Variants in NREP observed in about 807,000 individuals in gnomAD.
The protein encoded by NREP is neuronal regeneration-related protein.
Under a neutral mutation model 8.6 loss-of-function variants are expected in NREP, and 5 were observed. That is an observed-to-expected ratio of 0.58 (90% confidence interval 0.30 to 1.22). The LOEUF (loss-of-function observed/expected upper bound fraction) is 1.22. Among genes scored for constraint, NREP ranks in the 50% most tolerant of loss-of-function variants. The pLI, the probability that NREP is intolerant of heterozygous loss-of-function variation, is 0.07. For synonymous variants in NREP, 27 were observed against 28.0 expected (o/e 0.96, Z 0.11); for missense variants, 86 against 82.5 (o/e 1.04, Z -0.17).
At chr5:111,759,154 G>C (rs1014091440), upstream of NREP, among the ~76,000 whole-genome samples, 3 of 152,170 alleles carry the variant, frequency 2.0e-5, no homozygotes, top group African/African-American at 7.2e-5. Flanking sequence ...TGATCTGCAA[G>C]TCTGGAACCC....
At chr5:111,957,125 G>T (rs1756347000) in intron 2 of NREP, among the ~76,000 whole-genome samples, 1 of 151,652 alleles carries the variant, frequency 6.6e-6, no homozygotes, top group Non-Finnish European at 1.5e-5. Flanking sequence ...TTGCGAGGGA[G>T]GGAGGAGGCA....
intron 2 of NREP, among the ~76,000 whole-genome samples, chr5:111,825,070 G>A (rs1581144079): frequency 6.6e-6 from 1 of 152,120 alleles, no homozygotes; most frequent in Admixed American, 6.6e-5. Flanking sequence ...CAGCTAAAAA[G>A]TGTGCAGTTA....
upstream of NREP, among the ~76,000 whole-genome samples, chr5:111,758,482 A>G (rs1366682665): frequency 6.6e-6 from 1 of 152,244 alleles, no homozygotes. Flanking sequence ...AAATTTTGCA[A>G]CAAACTCAAA....
At chr5:111,845,721 C>T (rs1165445390) in intron 2 of NREP, among the ~76,000 whole-genome samples, 3 of 152,004 alleles carry the variant, frequency 2.0e-5, no homozygotes, top group Non-Finnish European at 4.4e-5. Flanking sequence ...ATATATACTA[C>T]ACACTCAAAT....
chr5:111,885,492 A>G (rs970682417), intron 2 of NREP, among the ~76,000 whole-genome samples: 13 of 152,184 alleles, frequency 8.5e-5, no homozygotes, highest in Non-Finnish European at 1.5e-4. Context: ...GTTCATATGG[A>G]ACCAAAAAAG....
chr5:111,866,140 A>C (rs1426308339), intron 2 of NREP, among the ~76,000 whole-genome samples: 1 of 152,150 alleles, frequency 6.6e-6, no homozygotes, highest in East Asian at 1.9e-4. Flanking sequence ...CAAAAGCCAA[A>C]ATGGACAAAT....
rs998392844 is a variant in NREP, at chr5:111,903,214, A to G, written c.135+72060T>C. ...TTCTTGTGCCTCAGCCTCCCAAAGT[A>G]GTTGGGACTATAGTTGTATGCTACC... On this transcript the variant is annotated intron_variant, in intron 2 of 3. Transcript: ENST00000395634. Among the ~76,000 whole-genome samples, 3 of 150,880 alleles carry G rather than the reference A, an allele frequency of 2.0e-5. No individual in the cohort carries two copies. The South Asian group carries it at 6.3e-4, about 32-fold the overall frequency.
At chr5:111,961,560 AG>A (rs1198438390) in intron 2 of NREP, among the ~76,000 whole-genome samples, 2 of 152,172 alleles carry the variant, frequency 1.3e-5, no homozygotes, top group African/African-American at 2.4e-5. Flanking sequence ...TCAACTTCAA[AG>A]GGTTTTTATA....
chr5:111,782,895 C>T (rs1484113837), intron 2 of NREP, among the ~76,000 whole-genome samples: 2 of 151,928 alleles, frequency 1.3e-5, no homozygotes, highest in African/African-American at 2.4e-5. Flanking sequence ...GCACCAAACC[C>T]GGCTAATTTT....
intron 2 of NREP, among the ~76,000 whole-genome samples, chr5:111,815,495 T>C (rs1387273572): frequency 6.6e-6 from 1 of 152,258 alleles, no homozygotes; most frequent in East Asian, 1.9e-4. Flanking sequence ...AGAAAGTTTT[T>C]TTTTTTAGTT....
intron 2 of NREP, among the ~76,000 whole-genome samples, chr5:111,773,393 A>C (rs1751282547): frequency 6.6e-6 from 1 of 152,224 alleles, no homozygotes; most frequent in Admixed American, 6.5e-5. Flanking sequence ...ACTCCAAGAA[A>C]ATAGTGGTCA....
intron 2 of NREP, among the ~76,000 whole-genome samples, chr5:111,967,140 A>G (rs146026024): frequency 4.6e-5 from 7 of 152,322 alleles, no homozygotes; most frequent in African/African-American, 1.7e-4. Context: ...CCCTAACAAT[A>G]AAACTTATCC....
intron 2 of NREP, among the ~76,000 whole-genome samples, chr5:111,951,743 C>T (rs917928608): frequency 6.6e-6 from 1 of 152,084 alleles, no homozygotes; most frequent in Non-Finnish European, 1.5e-5. Flanking sequence ...GTTCCTCATG[C>T]TCACCAGCAC....
chr5:111,881,445 A>G lies in NREP; in HGVS notation c.135+93829T>C, dbSNP rs184748716. 1.4e-4 allele frequency among the ~76,000 whole-genome samples: 21 copies of G among 152,318 alleles called. 1 individual carries two copies. In the East Asian group the frequency reaches 3.9e-3, roughly 28 times the overall value. ...ACAGCAGTAACCTCTGCAGACTTAA[A>G]TGTCCCTGTCTGACAGCTTTGAAGA... On this transcript the variant is annotated intron_variant, in intron 2 of 3. Coordinates refer to the NREP transcript ENST00000395634.
intron 2 of NREP, among the ~76,000 whole-genome samples, chr5:111,848,836 T>C (rs1030608734): frequency 7.9e-5 from 12 of 151,754 alleles, no homozygotes; most frequent in Admixed American, 6.6e-5. Context: ...CCTCATTATG[T>C]AGCAGAGGAG....
At chr5:111,938,560 A>G (rs1476418569) in intron 2 of NREP, among the ~76,000 whole-genome samples, 1 of 152,090 alleles carries the variant, frequency 6.6e-6, no homozygotes, top group East Asian at 1.9e-4. Context: ...TAGGCAGATG[A>G]CATGGCCTAG....
chr5:111,788,681 C>A (rs1241686111), intron 2 of NREP, among the ~76,000 whole-genome samples: 1 of 152,196 alleles, frequency 6.6e-6, no homozygotes, highest in Non-Finnish European at 1.5e-5. Flanking sequence ...CTGGGCTACA[C>A]AATCACATTT....
intron 2 of NREP, among the ~76,000 whole-genome samples, chr5:111,784,167 C>T (rs961956129): frequency 6.6e-6 from 1 of 152,092 alleles, no homozygotes; most frequent in Non-Finnish European, 1.5e-5. Flanking sequence ...ATGTTATCCT[C>T]AGCAAGAAAA....
chr5:111,756,878 C>T (rs1368323604), intron 1 of NREP, among the ~76,000 whole-genome samples: 1 of 152,154 alleles, frequency 6.6e-6, no homozygotes, highest in African/African-American at 2.4e-5. Context: ...GCACAAAACC[C>T]CACCCCTTCC....
Sources: gnomAD v4.1 joint callset for allele counts (sites outside exome capture counted in the v4.1 genomes callset) on GRCh38, gnomAD v4.1.1 for gene constraint, MANE v1.5 for transcripts, NCBI Gene and HGNC (gene_info 2026-07-23, HGNC 2026-07-21) for gene names.